HOMER2: variants seen among roughly 807,000 people sequenced by gnomAD.
The protein encoded by HOMER2 is homer scaffold protein 2, also known as homer protein homolog 2.
A neutral mutation model predicts 47.0 loss-of-function variants in HOMER2; 27 were observed. The ratio of observed to expected loss-of-function variants is 0.57; its 90% CI spans 0.42 to 0.79. HOMER2 has a LOEUF of 0.79. HOMER2 is among the 30% of genes least tolerant of loss of function. The pLI is 0.00. For synonymous variants in HOMER2, 161 were observed against 163.8 expected, an observed-to-expected ratio of 0.98 and a Z score of 0.13; for missense variants, 443 against 435.0, an observed-to-expected ratio of 1.02 and a Z score of -0.16.
chr15:82,851,257 A>C lies in HOMER2; in HGVS notation c.763-26T>G, dbSNP rs547685872. ...CTACATGAAAAAAATTTGAGATAGA[A>C]CATGAAAGCAAGTCAGATAAAATAT... On this transcript the variant is annotated intron_variant, in intron 7 of 8. Transcript: ENST00000450735. 4 of 1,428,712 alleles carry C rather than the reference A, an allele frequency of 2.8e-6. No homozygotes were observed. The East Asian group carries it at 9.9e-5, about 35-fold the overall frequency. 88.5% of individuals were successfully genotyped at this position (1,428,712 alleles called of 1,614,324 possible).
intron 1 of HOMER2, among the ~76,000 whole-genome samples, chr15:82,960,739 C>G (rs754115796): frequency 6.6e-6 from 1 of 152,122 alleles, no homozygotes; most frequent in African/African-American, 2.4e-5. Context: ...ATCAGGCACC[C>G]GGCTCCACTC....
intron 7 of HOMER2, 75 bp from the exon 8 acceptor site, chr15:82,851,306 G>A: frequency 9.8e-7 from 1 of 1,022,332 alleles, no homozygotes; most frequent in Non-Finnish European, 1.5e-6. Flanking sequence ...ACCAATGTGT[G>A]CACGCTCGTG....
At chr15:82,868,541 A>ATATATATATATATATATATATTTTTT in intron 3 of HOMER2, among the ~76,000 whole-genome samples, 3 of 71,264 alleles carry the variant, frequency 4.2e-5, no homozygotes, top group African/African-American at 1.5e-4. Flanking sequence ...ATATATATAT[A>ATATATATATATATATATATATTTTTT]TTTTTTTTTT....
At chr15:82,954,559 G>A (rs917037783), upstream of HOMER2, among the ~76,000 whole-genome samples, 3 of 151,758 alleles carry the variant, frequency 2.0e-5, no homozygotes, top group Non-Finnish European at 4.4e-5. Flanking sequence ...AAAGGGCTGG[G>A]ACTACAGGCA....
intron 2 of HOMER2, among the ~76,000 whole-genome samples, chr15:82,882,677 C>T (rs757534043): frequency 1.3e-5 from 2 of 152,190 alleles, no homozygotes; most frequent in South Asian, 2.1e-4. Context: ...CCATGCATCC[C>T]TCCCCAGGTA....
chr15:82,917,632 G>A (rs1481128563), intron 1 of HOMER2, among the ~76,000 whole-genome samples: 2 of 152,158 alleles, frequency 1.3e-5, no homozygotes, highest in South Asian at 2.1e-4. Context: ...ATGAGATTGA[G>A]GCATTTAAGG....
chr15:82,843,180 A>G, exon 2 of HOMER2: 1 of 152,270 alleles, frequency 6.6e-6, no homozygotes, highest in Non-Finnish European at 1.5e-5. Flanking sequence ...GGTGGCTCAC[A>G]CCTGTAATTC....
chr15:82,940,376 G>A (rs769747598), intron 1 of HOMER2, among the ~76,000 whole-genome samples: 2 of 152,150 alleles, frequency 1.3e-5, no homozygotes, highest in African/African-American at 2.4e-5. Flanking sequence ...CCTGCAAGGC[G>A]GGAGGATTGC....
chr15:82,907,516 A>G (rs1457604958), intron 1 of HOMER2, among the ~76,000 whole-genome samples: 1 of 151,842 alleles, frequency 6.6e-6, no homozygotes, highest in African/African-American at 2.4e-5. Context: ...GGAAGGAAGG[A>G]AGGAAAGAGA....
chr15:82,966,062 T>C (rs752399158), intron 1 of HOMER2, among the ~76,000 whole-genome samples: 2 of 152,044 alleles, frequency 1.3e-5, no homozygotes, highest in African/African-American at 4.8e-5. Context: ...GATTGTGCCA[T>C]TGCACTCCAG....
chr15:82,968,286 C>T (rs2054694314), intron 1 of HOMER2, among the ~76,000 whole-genome samples: 1 of 152,188 alleles, frequency 6.6e-6, no homozygotes. Flanking sequence ...TATCGCCCCA[C>T]AAGGAAACCT....
intron 1 of HOMER2, among the ~76,000 whole-genome samples, chr15:82,899,801 T>C (rs2053051560): frequency 6.6e-6 from 1 of 152,124 alleles, no homozygotes. Context: ...GGTGGGCGGA[T>C]CACTTGAGGT....
At chr15:82,907,403 GAGAA>G (rs1290707697) in intron 1 of HOMER2, among the ~76,000 whole-genome samples, 1 of 146,468 alleles carries the variant, frequency 6.8e-6, no homozygotes, top group Non-Finnish European at 1.5e-5. Context: ...GAAAGAGAAA[GAGAA>G]GGAAAGAAAG....
chr15:82,981,901 T>C (rs866461845), intron 1 of HOMER2, among the ~76,000 whole-genome samples: 7 of 151,494 alleles, frequency 4.6e-5, no homozygotes, highest in Middle Eastern at 3.4e-3. Flanking sequence ...TGTGAGAAGA[T>C]GAAAAAATCT....
At chr15:82,912,446 C>T (rs2053477968) in intron 1 of HOMER2, among the ~76,000 whole-genome samples, 1 of 152,034 alleles carries the variant, frequency 6.6e-6, no homozygotes, top group African/African-American at 2.4e-5. Flanking sequence ...TGTATTATAG[C>T]CCACTGTATG....
downstream of HOMER2, among the ~76,000 whole-genome samples, chr15:82,847,998 C>T (rs2051277001): frequency 6.6e-6 from 1 of 152,204 alleles, no homozygotes; most frequent in Non-Finnish European, 1.5e-5. Flanking sequence ...ACGCTTTCCA[C>T]TTCCTGTCTG....
chr15:82,835,071 C>T (rs2051109841), downstream of HOMER2: 1 of 152,188 alleles, frequency 6.6e-6, no homozygotes, highest in African/African-American at 2.4e-5. Context: ...AAGGAACGCA[C>T]CTCGTTTACA....
At chr15:82,876,670 A>G (rs2052358704) in intron 2 of HOMER2, among the ~76,000 whole-genome samples, 1 of 152,238 alleles carries the variant, frequency 6.6e-6, no homozygotes, top group South Asian at 2.1e-4. Flanking sequence ...AGTATTCTAA[A>G]GAGTGAACCT....
At chr15:82,889,639 G>A (rs1056825827) in intron 2 of HOMER2, among the ~76,000 whole-genome samples, 6 of 152,184 alleles carry the variant, frequency 3.9e-5, no homozygotes, top group African/African-American at 1.4e-4. Flanking sequence ...GGGAGATGAG[G>A]ACCTTAGTAA....
Sources: allele counts gnomAD v4.1 joint callset (sites outside exome capture counted in the v4.1 genomes callset), GRCh38; gene constraint gnomAD v4.1.1; transcripts MANE v1.5; gene names NCBI Gene and HGNC (gene_info 2026-07-23, HGNC 2026-07-21).